Variants in CACNA2D3 observed in about 807,000 individuals in gnomAD.
CACNA2D3 encodes calcium voltage-gated channel auxiliary subunit alpha2delta 3, also known as voltage-dependent calcium channel subunit alpha-2/delta-3.
CACNA2D3 carries 60 observed loss-of-function variants against 160.6 expected under a neutral mutation model. The ratio of observed to expected loss-of-function variants is 0.37; its 90% CI spans 0.30 to 0.46. The LOEUF is 0.46. Among genes scored for constraint, CACNA2D3 ranks in the 20% least tolerant of loss-of-function variants. The probability of loss-of-function intolerance (pLI) is 1.00; values close to 1 mark genes in which losing one functional copy is unlikely to be tolerated. For synonymous variants in CACNA2D3, 558 were observed against 492.9 expected, an observed-to-expected ratio of 1.13 and a Z score of -1.75; for missense variants, 1,205 against 1,365.0, an observed-to-expected ratio of 0.88 and a Z score of 1.85.
chr3:55,022,205 C>G (rs527374794), intron 35 of CACNA2D3, among the ~76,000 whole-genome samples: 2 of 152,064 alleles, frequency 1.3e-5, no homozygotes, highest in African/African-American at 2.4e-5. Context: ...CCTGTTATCA[C>G]TATGTAATAA....
At chr3:54,859,660 G>C (rs1699242558) in intron 17 of CACNA2D3, among the ~76,000 whole-genome samples, 1 of 152,024 alleles carries the variant, frequency 6.6e-6, no homozygotes, top group Non-Finnish European at 1.5e-5. Context: ...TATTGGCTTG[G>C]CCACTTCTGT....
rs569744296 is a variant in CACNA2D3 at position 54,149,389 on chromosome 3, A to G, written c.204+25795A>G. ...TGGGCCTAGGGTTGCACACATAGGC[A>G]GTGTTGTCTGCCCTCAGGAGGACCA... On this transcript the variant is annotated intron_variant, in intron 2 of 37. Transcript: ENST00000474759. Among the ~76,000 whole-genome samples, 5 of 152,252 alleles carry G rather than the reference A, an allele frequency of 3.3e-5. No individual in the cohort carries two copies. The South Asian group carries it at 1.0e-3, about 32-fold the overall frequency.
intron 11 of CACNA2D3, among the ~76,000 whole-genome samples, chr3:54,746,792 G>A (rs959893181): frequency 2.6e-5 from 4 of 152,002 alleles, no homozygotes; most frequent in Admixed American, 2.6e-4. Context: ...TCTGCATCTG[G>A]GAGCAAGAGT....
intron 11 of CACNA2D3, among the ~76,000 whole-genome samples, chr3:54,722,174 T>C (rs752014715): frequency 3.9e-5 from 6 of 152,254 alleles, no homozygotes; most frequent in Non-Finnish European, 7.3e-5. Context: ...TTTCAATCAC[T>C]GATATCCTTT....
intron 4 of CACNA2D3, among the ~76,000 whole-genome samples, chr3:54,488,166 A>G (rs899420136): frequency 1.3e-5 from 2 of 152,136 alleles, no homozygotes; most frequent in African/African-American, 4.8e-5. Flanking sequence ...GAGAGGGAGG[A>G]AAGAGCTAGA....
chr3:54,753,122 A>G (rs958933367), intron 12 of CACNA2D3, among the ~76,000 whole-genome samples: 1 of 152,160 alleles, frequency 6.6e-6, no homozygotes, highest in African/African-American at 2.4e-5. Context: ...TGGCCTCCCA[A>G]AGTGGCCTCA....
In CACNA2D3 at chr3:54,813,085, C is replaced by T. The variant is rs190305694; in HGVS notation, c.1381-3768C>T. ...AGTGTCACCTGAAATGTATCCTGCA[C>T]CCAGCTTTTTCTCAGGAGTGTGTAA... On this transcript the variant is annotated intron_variant, in intron 13 of 37. Transcript: ENST00000474759. Among the ~76,000 whole-genome samples, 60 of 152,278 alleles carry T rather than the reference C, an allele frequency of 3.9e-4. No individual in the cohort carries two copies. The East Asian group carries it at 0.011, about 29-fold the overall frequency.
At chr3:54,861,269 G>A (rs1301250129) in intron 17 of CACNA2D3, among the ~76,000 whole-genome samples, 1 of 152,074 alleles carries the variant, frequency 6.6e-6, no homozygotes, top group Non-Finnish European at 1.5e-5. Flanking sequence ...AAATCCTGAG[G>A]GGTTAGCAGA....
chr3:54,266,745 G>T (rs1293293163), intron 2 of CACNA2D3, among the ~76,000 whole-genome samples: 1 of 152,162 alleles, frequency 6.6e-6, no homozygotes, highest in African/African-American at 2.4e-5. Context: ...TCCAATTTGG[G>T]TGTCAGCATC....
chr3:54,850,450 A>G (rs1384064410), intron 17 of CACNA2D3, among the ~76,000 whole-genome samples: 1 of 152,208 alleles, frequency 6.6e-6, no homozygotes, highest in African/African-American at 2.4e-5. Context: ...ATAGCTACAG[A>G]CTAGATTTTG....
intron 27 of CACNA2D3, among the ~76,000 whole-genome samples, chr3:54,923,105 C>T (rs1420403738): frequency 6.6e-6 from 1 of 152,142 alleles, no homozygotes; most frequent in African/African-American, 2.4e-5. Flanking sequence ...TCAGTTCTCC[C>T]AAGAGTCTAC....
chr3:54,402,430 G>A (rs1050168438), intron 4 of CACNA2D3, among the ~76,000 whole-genome samples: 3 of 152,022 alleles, frequency 2.0e-5, no homozygotes, highest in African/African-American at 7.2e-5. Flanking sequence ...GAAAGTAAAG[G>A]AATGGAAGAA....
At chr3:55,006,107 A>G (rs537183219) in intron 32 of CACNA2D3, among the ~76,000 whole-genome samples, 8 of 152,156 alleles carry the variant, frequency 5.3e-5, no homozygotes, top group African/African-American at 1.9e-4. Context: ...TTCTAACCCA[A>G]CTCCCCTAAC....
intron 2 of CACNA2D3, among the ~76,000 whole-genome samples, chr3:54,151,160 G>A (rs753899426): frequency 6.6e-6 from 1 of 151,896 alleles, no homozygotes; most frequent in Non-Finnish European, 1.5e-5. Flanking sequence ...AATAGATGTA[G>A]GGATGGGTTA....
At chr3:54,480,592 T>C (rs1700916972) in intron 4 of CACNA2D3, among the ~76,000 whole-genome samples, 1 of 152,124 alleles carries the variant, frequency 6.6e-6, no homozygotes, top group South Asian at 2.1e-4. Context: ...ATATAAAATA[T>C]GTATGAAATT....
intron 4 of CACNA2D3, among the ~76,000 whole-genome samples, chr3:54,478,660 G>GTGTATATATATATATATATTGCTATATA: frequency 2.7e-5 from 1 of 36,376 alleles, no homozygotes; most frequent in East Asian, 1.2e-3. Context: ...ATATGTGTGT[G>GTGTATATATATATATATATTGCTATATA]TATATATATA....
chr3:54,676,464 C>T (rs1048745836), intron 11 of CACNA2D3, among the ~76,000 whole-genome samples: 3 of 152,104 alleles, frequency 2.0e-5, no homozygotes, highest in Non-Finnish European at 4.4e-5. Context: ...TCAAACCCTC[C>T]TGTTAGACAT....
chr3:54,387,593 A>C (rs1179309958), intron 4 of CACNA2D3, among the ~76,000 whole-genome samples: 1 of 152,232 alleles, frequency 6.6e-6, no homozygotes, highest in Non-Finnish European at 1.5e-5. Flanking sequence ...CAGACGTTGC[A>C]GTGAGCTGAG....
intron 11 of CACNA2D3, among the ~76,000 whole-genome samples, chr3:54,725,085 C>T (rs750506038): frequency 9.9e-5 from 15 of 152,120 alleles, no homozygotes; most frequent in Admixed American, 9.8e-4. Flanking sequence ...GGGGATATCA[C>T]CACTGAACCC....
Sources: allele counts gnomAD v4.1 joint callset (sites outside exome capture counted in the v4.1 genomes callset), GRCh38; gene constraint gnomAD v4.1.1; transcripts MANE v1.5; gene names NCBI Gene and HGNC (gene_info 2026-07-23, HGNC 2026-07-21).